FANCB: variants seen among roughly 807,000 people sequenced by gnomAD.
FANCB encodes the protein FA complementation group B.
A neutral mutation model predicts 38.9 loss-of-function variants in FANCB; 5 were observed. The ratio of observed to expected loss-of-function variants is 0.13; its 90% CI spans 0.07 to 0.27. The LOEUF (loss-of-function observed/expected upper bound fraction) is 0.27, where lower values mean the gene tolerates loss of function less well. FANCB is among the 10% of genes least tolerant of loss of function. FANCB has a pLI of 1.00. For synonymous variants in FANCB, 236 were observed against 215.4 expected (o/e 1.10, Z -0.84); for missense variants, 573 against 602.7 (o/e 0.95, Z 0.52).
At position 14,843,848 on chromosome X, in the gene FANCB, G is replaced by T; in HGVS notation, c.2299C>A (p.Leu767Ile). ...DNMAFTLEKE[L>I]VTLSSLSSAI... The stretch of plus-strand genomic sequence containing the variant: ...GAAGAAAGAGAACTAAGGGTGACTA[G>T]TTCCTTCTCCAAAGTAAATGCCATA... The change falls in exon 10 of 10, where the codon CTA becomes ATA. Residue 767 changes from leucine (L) to isoleucine (I), a missense_variant. Transcript: ENST00000650831. The T allele has an allele frequency of 8.3e-7, 1 of 1,209,400 alleles. No individual in the cohort carries two copies.
chrX:14,757,106 A>G, the FANCB span, among the ~76,000 whole-genome samples: 1 of 112,413 alleles, frequency 8.9e-6, no homozygotes, highest in Non-Finnish European at 1.9e-5. Context: ...GAACTCTTAT[A>G]CACTATCGTG....
the FANCB span, among the ~76,000 whole-genome samples, chrX:14,798,653 A>C: frequency 4.5e-5 from 5 of 112,000 alleles, no homozygotes; most frequent in Admixed American, 2.8e-4. Flanking sequence ...AAAAGCATAA[A>C]TCATGAATAT....
At chrX:14,771,309 T>G in the FANCB span, among the ~76,000 whole-genome samples, 1 of 111,510 alleles carries the variant, frequency 9.0e-6, no homozygotes, top group Admixed American at 9.5e-5. Context: ...AATCCCACAT[T>G]TCTAGGAGGT....
At chrX:14,807,196 A>G in the FANCB span, among the ~76,000 whole-genome samples, 1 of 112,457 alleles carries the variant, frequency 8.9e-6, no homozygotes, top group Non-Finnish European at 1.9e-5. Flanking sequence ...TTTAATGCCA[A>G]CAGAAATCAT....
At chrX:14,784,078 TG>T in the FANCB span, among the ~76,000 whole-genome samples, 1 of 111,733 alleles carries the variant, frequency 8.9e-6, no homozygotes, top group Non-Finnish European at 1.9e-5. Flanking sequence ...GGCATGGTGG[TG>T]GGCGCCTGTA....
the FANCB span, among the ~76,000 whole-genome samples, chrX:14,796,510 A>T: frequency 4.1e-5 from 4 of 97,737 alleles, no homozygotes; most frequent in South Asian, 8.6e-4. Context: ...TAACATATAT[A>T]ATATATAACA....
chrX:14,806,899 A>T, the FANCB span, among the ~76,000 whole-genome samples: 1 of 112,212 alleles, frequency 8.9e-6, no homozygotes, highest in Non-Finnish European at 1.9e-5. Context: ...ATGATTATTT[A>T]AAAACTGGAA....
At chrX:14,820,938 C>T in the FANCB span, among the ~76,000 whole-genome samples, 1 of 111,387 alleles carries the variant, frequency 9.0e-6, no homozygotes, top group Non-Finnish European at 1.9e-5. Flanking sequence ...GATGCATTCT[C>T]TCCTTCTTAG....
At chrX:14,856,486 T>C (rs1272644064) in intron 5 of FANCB, among the ~76,000 whole-genome samples, 1 of 111,988 alleles carries the variant, frequency 8.9e-6, no homozygotes, top group African/African-American at 3.2e-5. Flanking sequence ...AAATTTTGAA[T>C]AGATCAATGT....
At chrX:14,831,763 T>A (rs141495602), downstream of FANCB, among the ~76,000 whole-genome samples, 324 of 112,057 alleles carry the variant, frequency 2.9e-3, 4 homozygotes, top group African/African-American at 0.01. Flanking sequence ...ATCAGACTTG[T>A]GCTTTGACAA....
intron 5 of FANCB, among the ~76,000 whole-genome samples, chrX:14,854,968 C>A (rs1196778808): frequency 8.9e-6 from 1 of 112,045 alleles, no homozygotes; most frequent in Non-Finnish European, 1.9e-5. Context: ...AATGGAATCA[C>A]TCTGCATGTA....
At chrX:14,869,182 A>T (rs2092484102) in intron 1 of FANCB, 139 bp from the exon 2 acceptor site, 1 of 112,122 alleles carries the variant, frequency 8.9e-6, no homozygotes, top group African/African-American at 3.2e-5. Context: ...TCTGAGGTAA[A>T]GCTCTAAGAA....
At chrX:14,785,916 C>T in the FANCB span, among the ~76,000 whole-genome samples, 2 of 111,511 alleles carry the variant, frequency 1.8e-5, no homozygotes, top group African/African-American at 3.3e-5. Context: ...CAGACCACTC[C>T]GGGTACCAAA....
chrX:14,691,003 T>C, the FANCB span: 1 of 558,792 alleles, frequency 1.8e-6, no homozygotes, highest in Non-Finnish European at 2.8e-6. Flanking sequence ...GACTTAGTGC[T>C]CAGCTTAGGC....
chrX:14,810,329 G>A, the FANCB span, among the ~76,000 whole-genome samples: 10 of 112,429 alleles, frequency 8.9e-5, no homozygotes, highest in African/African-American at 1.6e-4. Flanking sequence ...TGACTTTGAC[G>A]AGTTGAGAGA....
the FANCB span, among the ~76,000 whole-genome samples, chrX:14,699,291 G>A: frequency 3.6e-5 from 4 of 111,839 alleles, no homozygotes; most frequent in Non-Finnish European, 5.6e-5. Context: ...CCTTACTTCT[G>A]GCATTGTACC....
chrX:14,716,044 T>C, the FANCB span, among the ~76,000 whole-genome samples: 1 of 111,593 alleles, frequency 9.0e-6, no homozygotes, highest in South Asian at 3.7e-4. Flanking sequence ...CTGGGCACTG[T>C]GTGACTGTAT....
chrX:14,743,077 C>T, the FANCB span, among the ~76,000 whole-genome samples: 1 of 111,984 alleles, frequency 8.9e-6, no homozygotes, highest in African/African-American at 3.2e-5. Context: ...ACGGAGTAGG[C>T]GAGTAGGCCT....
rs753030842 is a variant in FANCB at position 14,853,139 on chromosome X, C to T, written c.1226G>A (p.Arg409Gln). 23 of 1,202,214 alleles carry T rather than the reference C, an allele frequency of 1.9e-5. No individual in the cohort carries two copies. The highest frequency in any genetic ancestry group is 2.4e-5 in the Non-Finnish European group (21 of 890,050). Reference sequence around the variant, plus strand: ...TTTTTCCTTAAGCAACAGATGCTGCCGTAATTCCCGAAAAGAAGAAAAACA... The same window carrying T: ...TTTTTCCTTAAGCAACAGATGCTGCTGTAATTCCCGAAAAGAAGAAAAACA... ...KVCFSSFRELRQHLLLKEKII... is the reference protein window; with the variant it reads ...KVCFSSFRELQQHLLLKEKII... The change falls in exon 6 of 10, where the codon CGG becomes CAG. Residue 409 changes from arginine to glutamine, a missense_variant. Coordinates refer to ENST00000650831, the MANE Select transcript of FANCB (RefSeq NM_001018113.3).
Sources: gnomAD v4.1 joint callset for allele counts (sites outside exome capture counted in the v4.1 genomes callset) on GRCh38, gnomAD v4.1.1 for gene constraint, MANE v1.5 for transcripts, NCBI Gene and HGNC (gene_info 2026-07-23, HGNC 2026-07-21) for gene names.